Variants in ZPBP observed in about 807,000 individuals in gnomAD.
The protein encoded by ZPBP is zona pellucida-binding protein 1.
A neutral mutation model predicts 44.8 loss-of-function variants in ZPBP; 26 were observed. That is an observed-to-expected ratio of 0.58 (90% CI 0.43 to 0.81). The LOEUF (loss-of-function observed/expected upper bound fraction) is 0.81. ZPBP is among the 30% of genes least tolerant of loss of function. The pLI is 0.00. For synonymous variants in ZPBP, 174 were observed against 153.2 expected (o/e 1.14, Z -1.00); for missense variants, 409 against 434.0 (o/e 0.94, Z 0.51).
chr7:50,010,225 G>A (rs1009811422), intron 6 of ZPBP, among the ~76,000 whole-genome samples: 40 of 151,956 alleles, frequency 2.6e-4, no homozygotes, highest in Non-Finnish European at 5.9e-5. Flanking sequence ...CCATTAGTAA[G>A]TCTTACTAGA....
chr7:50,001,026 C>A (rs1798072602), intron 6 of ZPBP, among the ~76,000 whole-genome samples: 1 of 152,104 alleles, frequency 6.6e-6, no homozygotes, highest in African/African-American at 2.4e-5. Context: ...CATGTGAAGA[C>A]ATGGCCATCT....
At chr7:50,020,440 GAGACTGTTTC>G (rs1386253978) in intron 5 of ZPBP, among the ~76,000 whole-genome samples, 1 of 151,912 alleles carries the variant, frequency 6.6e-6, no homozygotes, top group Non-Finnish European at 1.5e-5. Flanking sequence ...AAATATCTAG[GAGACTGTTTC>G]AGCCCAAGTC....
At chr7:49,885,299 A>T (rs936368740) in intron 2 of ZPBP, among the ~76,000 whole-genome samples, 2 of 152,168 alleles carry the variant, frequency 1.3e-5, no homozygotes, top group African/African-American at 2.4e-5. Flanking sequence ...GTAATTTCTC[A>T]ACAAATTTCA....
rs564755024 is a variant in ZPBP, at chr7:50,066,399, C to T, written c.335-8258G>A. Among the ~76,000 whole-genome samples the T allele has an allele frequency of 7.9e-5, 11 of 138,964 alleles. No homozygotes were observed. The East Asian group carries it at 1.5e-3, about 20-fold the overall frequency. 91.2% of individuals were successfully genotyped at this position (138,964 alleles called of 152,430 possible). A position where few individuals can be genotyped will look rare whatever the true frequency, so the allele number is the denominator to read the frequency against. ...GTGGTCTGGTTGTATGTGCAGGTTC[C>T]TAACCTGGTTCCTGTATATTTATAG... On this transcript the variant is annotated intron_variant, in intron 3 of 7. Coordinates refer to ENST00000046087, the MANE Select transcript of ZPBP (RefSeq NM_007009.3).
At chr7:49,882,852 G>GT (rs953717391) in intron 2 of ZPBP, among the ~76,000 whole-genome samples, 34 of 151,218 alleles carry the variant, frequency 2.2e-4, no homozygotes, top group Admixed American at 7.3e-4. Flanking sequence ...GTGTTTTTGG[G>GT]TTTTTTTTGT....
Position 49,918,283 on chromosome 7 carries a change from G to A in ZPBP, n.412-17068C>T, listed in dbSNP as rs371245385. 4 of 152,246 alleles carry A rather than the reference G, an allele frequency of 2.6e-5. No homozygotes were observed. The East Asian group carries it at 5.8e-4, about 22-fold the overall frequency. 9.4% of individuals were successfully genotyped at this position (152,246 alleles called of 1,614,324 possible). ...GAATCCAAATCTGCTTTATATCAGA[G>A]CCCGTGATTTGAAGTCTTATCATTT... On this transcript the variant is annotated intron_variant and non_coding_transcript_variant, in intron 1 of 2. Coordinates refer to the ZPBP transcript ENST00000465922.
At chr7:50,091,525 T>C (rs1007419176) in intron 1 of ZPBP, among the ~76,000 whole-genome samples, 1 of 152,148 alleles carries the variant, frequency 6.6e-6, no homozygotes, top group Non-Finnish European at 1.5e-5. Flanking sequence ...GACCTGAAAC[T>C]ATAAAAATTC....
intron 7 of ZPBP, among the ~76,000 whole-genome samples, chr7:49,961,292 GACAA>G (rs1795852874): frequency 6.6e-6 from 1 of 151,964 alleles, no homozygotes; most frequent in African/African-American, 2.4e-5. Flanking sequence ...AATAAACAGG[GACAA>G]ACAATTAATA....
At position 50,004,310 on chromosome 7, in the gene ZPBP, T is replaced by C. The variant is rs117994321; in HGVS notation, c.783+13930A>G. On this transcript the variant is annotated intron_variant, in intron 6 of 7. Coordinates refer to ENST00000046087, the MANE Select transcript of ZPBP (RefSeq NM_007009.3). Reference sequence around the variant, plus strand: ...CTGGGATGTCAAACTCCAGGTTTTTTAGCCTTTGGACTCAGGGACTGGGAC... The same window carrying C: ...CTGGGATGTCAAACTCCAGGTTTTTCAGCCTTTGGACTCAGGGACTGGGAC... 2.8e-3 allele frequency among the ~76,000 whole-genome samples: 427 copies of C among 152,248 alleles called. 1 individual carries two copies. Among genetic ancestry groups the C allele is most frequent in the Non-Finnish European group, 4.9e-3 (332 of 68,010 alleles).
chr7:49,936,075 T>C (rs1298147926), downstream of ZPBP: 1 of 152,222 alleles, frequency 6.6e-6, no homozygotes, highest in African/African-American at 2.4e-5. Flanking sequence ...TTATTTATTA[T>C]ACAATTAAGA....
intron 7 of ZPBP, among the ~76,000 whole-genome samples, chr7:49,978,997 G>A (rs1472533746): frequency 6.6e-6 from 1 of 151,922 alleles, no homozygotes; most frequent in Admixed American, 6.6e-5. Context: ...TTAACCATAA[G>A]ATGGCACAAA....
intron 5 of ZPBP, among the ~76,000 whole-genome samples, chr7:50,022,510 A>G (rs1416596035): frequency 6.6e-6 from 1 of 152,094 alleles, no homozygotes; most frequent in Non-Finnish European, 1.5e-5. Flanking sequence ...CCAAGAAAAC[A>G]ACTAAAATAT....
At chr7:50,066,514 G>T (rs761384688) in intron 3 of ZPBP, among the ~76,000 whole-genome samples, 3 of 152,108 alleles carry the variant, frequency 2.0e-5, no homozygotes, top group Non-Finnish European at 4.4e-5. Flanking sequence ...TTCCCTTTTA[G>T]TATAGGCAGA....
At chr7:49,941,932 A>C (rs1794902584) in intron 7 of ZPBP, among the ~76,000 whole-genome samples, 1 of 152,192 alleles carries the variant, frequency 6.6e-6, no homozygotes, top group African/African-American at 2.4e-5. Context: ...AATGGAACAG[A>C]ATAGAAAGCC....
chr7:50,045,660 T>C (rs1157563262), intron 4 of ZPBP, among the ~76,000 whole-genome samples: 1 of 152,082 alleles, frequency 6.6e-6, no homozygotes. Context: ...CACAAACAAA[T>C]GGAAAAACAT....
intron 2 of ZPBP, among the ~76,000 whole-genome samples, chr7:49,897,836 G>GT (rs1792465945): frequency 6.6e-6 from 1 of 152,220 alleles, no homozygotes; most frequent in Admixed American, 6.5e-5. Context: ...TAGGGTCACA[G>GT]TTCCCACACT....
At chr7:50,023,294 A>C (rs1799175665) in intron 5 of ZPBP, among the ~76,000 whole-genome samples, 1 of 152,098 alleles carries the variant, frequency 6.6e-6, no homozygotes, top group African/African-American at 2.4e-5. Flanking sequence ...ACAGACTTAC[A>C]GGATGCTTAC....
intron 2 of ZPBP, among the ~76,000 whole-genome samples, chr7:49,856,609 C>T (rs1453814777): frequency 1.3e-5 from 2 of 152,144 alleles, no homozygotes; most frequent in African/African-American, 2.4e-5. Context: ...TTAGTGTTTA[C>T]AATTTGGTGA....
At chr7:49,878,419 G>T (rs1385990359) in intron 2 of ZPBP, among the ~76,000 whole-genome samples, 1 of 152,020 alleles carries the variant, frequency 6.6e-6, no homozygotes, top group Admixed American at 6.6e-5. Flanking sequence ...AATTTTCTCA[G>T]TACTTGTTTA....
Sources: allele counts gnomAD v4.1 joint callset (sites outside exome capture counted in the v4.1 genomes callset), GRCh38; gene constraint gnomAD v4.1.1; transcripts MANE v1.5; gene names NCBI Gene and HGNC (gene_info 2026-07-23, HGNC 2026-07-21).